PIGU: variants seen among roughly 807,000 people sequenced by gnomAD.
The protein encoded by PIGU is phosphatidylinositol glycan anchor biosynthesis class U.
In PIGU, 24 loss-of-function variants were observed where a neutral mutation model predicts 49.9. That is an observed-to-expected ratio of 0.48 (90% confidence interval 0.35 to 0.68). The LOEUF is 0.68. Among genes scored for constraint, PIGU ranks in the 30% least tolerant of loss-of-function variants. The pLI, the probability that PIGU is intolerant of heterozygous loss-of-function variation, is 0.01. For synonymous variants in PIGU, 220 were observed against 205.7 expected (o/e 1.07, Z -0.59); for missense variants, 490 against 532.6 (o/e 0.92, Z 0.79).
In PIGU at chr20:34,667,843, T is replaced by G. The variant is rs564767122; in HGVS notation, c.130+9113A>C. On this transcript the variant is annotated intron_variant, in intron 1 of 11. Coordinates refer to ENST00000217446, the MANE Select transcript of PIGU (RefSeq NM_080476.5). ...AAAGAATAGCCCCTAAAATGCTGAT[T>G]AATTACAAAGGGAAACAGTCACTTT... is the stretch of plus-strand genomic sequence containing the variant. 3.4e-4 allele frequency among the ~76,000 whole-genome samples: 51 copies of G among 152,218 alleles called. No individual in the cohort carries two copies. In the South Asian group the frequency reaches 7.9e-3, roughly 24 times the overall value.
At chr20:34,646,353 G>T (rs111408017) in intron 2 of PIGU, among the ~76,000 whole-genome samples, 1 of 151,982 alleles carries the variant, frequency 6.6e-6, no homozygotes, top group Non-Finnish European at 1.5e-5. Context: ...ATTTTTTATT[G>T]TTTAAAGCAA....
Position 34,611,825 on chromosome 20 carries a change from G to A in PIGU, c.627+4217C>T, listed in dbSNP as rs543323677. On this transcript the variant is annotated intron_variant, in intron 7 of 11. Transcript: ENST00000217446. Reference sequence around the variant, plus strand: ...AAACCACAATAAGATACCATCTCACGCCAGCTGGAATGGCGATCATTAAAG... The same window carrying A: ...AAACCACAATAAGATACCATCTCACACCAGCTGGAATGGCGATCATTAAAG... Among the ~76,000 whole-genome samples, 7 of 152,110 alleles carry A rather than the reference G, an allele frequency of 4.6e-5. No individual in the cohort carries two copies. The East Asian group carries it at 5.8e-4, about 13-fold the overall frequency.
At chr20:34,580,735 G>A (rs1233163738) in intron 10 of PIGU, among the ~76,000 whole-genome samples, 1 of 152,196 alleles carries the variant, frequency 6.6e-6, no homozygotes, top group Admixed American at 6.5e-5. Context: ...GAGTGCTGGG[G>A]ACACAAAGGT....
chr20:34,625,383 CAAAAAAAAA>C (rs1160138187), intron 6 of PIGU, among the ~76,000 whole-genome samples: 3 of 132,358 alleles, frequency 2.3e-5, no homozygotes, highest in African/African-American at 5.7e-5. Context: ...AAAAAAAAAA[CAAAAAAAAA>C]AAAACTACAT....
intron 7 of PIGU, among the ~76,000 whole-genome samples, chr20:34,614,853 T>G (rs1984948608): frequency 6.6e-6 from 1 of 152,204 alleles, no homozygotes; most frequent in Admixed American, 6.5e-5. Context: ...GTGCTTGTGA[T>G]TAAGAAAGGC....
intron 6 of PIGU, among the ~76,000 whole-genome samples, chr20:34,630,408 C>T (rs1401089712): frequency 6.6e-6 from 1 of 152,118 alleles, no homozygotes; most frequent in Non-Finnish European, 1.5e-5. Flanking sequence ...GCACCCTCCA[C>T]CCCACAAAAA....
intron 6 of PIGU, among the ~76,000 whole-genome samples, chr20:34,620,646 C>T (rs1240199830): frequency 1.3e-5 from 2 of 151,746 alleles, no homozygotes; most frequent in Non-Finnish European, 2.9e-5. Flanking sequence ...CCTGTTTCTA[C>T]TAAAAATACA....
At chr20:34,587,483 ATTGT>A (rs766759887) in intron 8 of PIGU, among the ~76,000 whole-genome samples, 8 of 152,188 alleles carry the variant, frequency 5.3e-5, no homozygotes, top group South Asian at 2.1e-4. Context: ...AATATTAAAC[ATTGT>A]TTGTGGTGGG....
At chr20:34,648,175 C>T (rs950491956) in intron 2 of PIGU, among the ~76,000 whole-genome samples, 7 of 149,968 alleles carry the variant, frequency 4.7e-5, no homozygotes, top group African/African-American at 1.7e-4. Flanking sequence ...TGCTTGAGCC[C>T]AGGGAGATTG....
At chr20:34,619,155 G>A (rs558855491) in intron 6 of PIGU, among the ~76,000 whole-genome samples, 4 of 152,256 alleles carry the variant, frequency 2.6e-5, no homozygotes, top group African/African-American at 9.6e-5. Context: ...TCTATGGGAA[G>A]GGGGGCTGTC....
intron 7 of PIGU, among the ~76,000 whole-genome samples, chr20:34,606,681 T>C (rs1411815656): frequency 6.6e-6 from 1 of 152,234 alleles, no homozygotes; most frequent in Non-Finnish European, 1.5e-5. Flanking sequence ...ATATATCATG[T>C]CAAGTTGTTC....
At chr20:34,605,667 A>G (rs1046474381) in intron 7 of PIGU, among the ~76,000 whole-genome samples, 5 of 152,192 alleles carry the variant, frequency 3.3e-5, no homozygotes, top group South Asian at 4.1e-4. Context: ...CACAGAGTTA[A>G]TAAGTGTCCA....
At chr20:34,611,648 G>GAAAAAAAAAAAAAAAAAAAAAAA (rs146531122) in intron 7 of PIGU, among the ~76,000 whole-genome samples, 1 of 65,008 alleles carries the variant, frequency 1.5e-5, no homozygotes, top group Admixed American at 1.8e-4. Flanking sequence ...TCAAGTCTCA[G>GAAAAAAAAAAAAAAAAAAAAAAA]AAAAAAAAAA....
intron 1 of PIGU, among the ~76,000 whole-genome samples, chr20:34,670,672 T>C (rs551588284): frequency 6.6e-6 from 1 of 152,266 alleles, no homozygotes; most frequent in Non-Finnish European, 1.5e-5. Context: ...CCCAGGTAGC[T>C]GGGACTACAG....
At chr20:34,566,270 C>T (rs1982764876) in intron 11 of PIGU, among the ~76,000 whole-genome samples, 1 of 152,234 alleles carries the variant, frequency 6.6e-6, no homozygotes, top group South Asian at 2.1e-4. Context: ...GGCCTCCCAA[C>T]CAAATGGGGC....
intron 7 of PIGU, among the ~76,000 whole-genome samples, chr20:34,613,449 A>C (rs552970341): frequency 2.2e-4 from 33 of 152,316 alleles, no homozygotes; most frequent in African/African-American, 7.9e-4. Context: ...GTTTTAAACA[A>C]AAGTTGTTTT....
chr20:34,569,342 G>A (rs1982910437), intron 11 of PIGU, among the ~76,000 whole-genome samples: 2 of 152,148 alleles, frequency 1.3e-5, no homozygotes, highest in Admixed American at 1.3e-4. Context: ...CGATTCTCCT[G>A]CCTCAGCCTC....
chr20:34,607,052 C>A (rs750245836), intron 7 of PIGU, among the ~76,000 whole-genome samples: 15 of 152,220 alleles, frequency 9.9e-5, no homozygotes, highest in Admixed American at 3.9e-4. Flanking sequence ...AGCCACCATG[C>A]CCGGCCATAA....
At chr20:34,658,183 C>T (rs1011136496) in intron 1 of PIGU, among the ~76,000 whole-genome samples, 17 of 152,204 alleles carry the variant, frequency 1.1e-4, no homozygotes, top group Admixed American at 3.3e-4. Context: ...TTGGTGGAGA[C>T]GGGGTTTCGC....
Sources: gnomAD v4.1 joint callset for allele counts (sites outside exome capture counted in the v4.1 genomes callset) on GRCh38, gnomAD v4.1.1 for gene constraint, MANE v1.5 for transcripts, NCBI Gene and HGNC (gene_info 2026-07-23, HGNC 2026-07-21) for gene names.